Variants in CLXN observed in about 807,000 individuals in gnomAD.
CLXN encodes EF-hand calcium binding domain 1.
chr8:48,712,753 C>A, the CLXN span, among the ~76,000 whole-genome samples: 1 of 152,096 alleles, frequency 6.6e-6, no homozygotes, highest in African/African-American at 2.4e-5. Context: ...GTAATCCCAG[C>A]ACATTGGGAG....
At chr8:48,717,141 G>T in the CLXN span, among the ~76,000 whole-genome samples, 1 of 152,048 alleles carries the variant, frequency 6.6e-6, no homozygotes, top group Non-Finnish European at 1.5e-5. Context: ...CTCCAGCTTG[G>T]GCAACAAGAG....
chr8:48,729,885 TAAC>T, the CLXN span: 1 of 1,597,436 alleles, frequency 6.3e-7, no homozygotes, highest in Admixed American at 1.7e-5. Flanking sequence ...TTTAAGAAAA[TAAC>T]AAATCATGAA....
the CLXN span, among the ~76,000 whole-genome samples, chr8:48,720,619 A>G: frequency 2.6e-5 from 4 of 152,176 alleles, no homozygotes; most frequent in African/African-American, 9.7e-5. Flanking sequence ...TGCACCACTG[A>G]ACATAGACCC....
chr8:48,731,989 A>G, the CLXN span, among the ~76,000 whole-genome samples: 17 of 152,318 alleles, frequency 1.1e-4, no homozygotes, highest in African/African-American at 4.1e-4. Flanking sequence ...TAGAGTCACC[A>G]GTTTTCCAAT....
the CLXN span, chr8:48,729,762 ATCAGGGTCT>A: frequency 2.7e-5 from 44 of 1,612,834 alleles, no homozygotes; most frequent in Non-Finnish European, 3.6e-5. Context: ...TAATTCCTTC[ATCAGGGTCT>A]TCCTCAGATG....
chr8:48,727,733 A>T, the CLXN span, among the ~76,000 whole-genome samples: 2 of 152,138 alleles, frequency 1.3e-5, no homozygotes, highest in Admixed American at 6.5e-5. Flanking sequence ...TGCATTTTAA[A>T]CATACTGGAC....
chr8:48,730,673 C>G, the CLXN span: 1 of 1,382,336 alleles, frequency 7.2e-7, no homozygotes, highest in Non-Finnish European at 1.0e-6. Flanking sequence ...AATGGAACAC[C>G]TGTCCTGCAT....
At chr8:48,730,039 C>A in the CLXN span, 1 of 490,572 alleles carries the variant, frequency 2.0e-6, no homozygotes, top group Non-Finnish European at 3.4e-6. Context: ...TACAATAATC[C>A]TTAGAAAATA....
the CLXN span, among the ~76,000 whole-genome samples, chr8:48,726,873 CT>C: frequency 9.0e-4 from 89 of 99,226 alleles, no homozygotes; most frequent in African/African-American, 7.1e-3. Flanking sequence ...ATCTATCAAT[CT>C]ATCTATCTAT....
chr8:48,725,806 A>AAAAT, the CLXN span, among the ~76,000 whole-genome samples: 16,520 of 149,504 alleles, frequency 0.11, 1,209 homozygotes, highest in African/African-American at 0.2. Flanking sequence ...CTCCGTCTCA[A>AAAAT]AAATAAATAA....
At chr8:48,721,053 C>G in the CLXN span, among the ~76,000 whole-genome samples, 4 of 152,194 alleles carry the variant, frequency 2.6e-5, no homozygotes, top group Middle Eastern at 3.4e-3. Flanking sequence ...CCTACAAACA[C>G]AACAATGACA....
chr8:48,725,090 T>A, the CLXN span, among the ~76,000 whole-genome samples: 4 of 152,278 alleles, frequency 2.6e-5, no homozygotes, highest in Middle Eastern at 3.4e-3. Context: ...CAGGGCTGCA[T>A]GGGCTGTGGT....
the CLXN span, chr8:48,730,048 T>C: frequency 2.1e-6 from 1 of 473,890 alleles, no homozygotes; most frequent in Non-Finnish European, 3.6e-6. Context: ...CCTTAGAAAA[T>C]ATTTCCTGAT....
the CLXN span, chr8:48,730,574 C>T: frequency 6.8e-6 from 11 of 1,611,342 alleles, no homozygotes; most frequent in South Asian, 9.9e-5. Context: ...CTCGAAGAAA[C>T]AGTGATAATC....
the CLXN span, chr8:48,715,654 G>T: frequency 1.3e-5 from 2 of 152,114 alleles, no homozygotes; most frequent in African/African-American, 4.8e-5. Flanking sequence ...CACTGATGCT[G>T]ACCCCAGCTG....
At chr8:48,729,032 A>C in the CLXN span, 2 of 1,595,606 alleles carry the variant, frequency 1.3e-6, no homozygotes, top group Non-Finnish European at 1.7e-6. Context: ...AGGGAAAGTC[A>C]TATCAATACC....
the CLXN span, among the ~76,000 whole-genome samples, chr8:48,722,278 A>G: frequency 2.6e-5 from 4 of 152,234 alleles, no homozygotes; most frequent in Non-Finnish European, 5.9e-5. Flanking sequence ...ATAAATGATA[A>G]CAAGGGCTGA....
At chr8:48,734,317 C>G in the CLXN span, among the ~76,000 whole-genome samples, 1,354 of 152,330 alleles carry the variant, frequency 8.9e-3, 12 homozygotes, top group Non-Finnish European at 0.012. Flanking sequence ...CTCATCTAAA[C>G]CATACCCACG....
chr8:48,716,227 G>T, the CLXN span: 1 of 153,496 alleles, frequency 6.5e-6, no homozygotes, highest in Non-Finnish European at 1.4e-5. Context: ...CGGGTGCTAA[G>T]CCCCTCACTG....
Sources: gnomAD v4.1 joint callset for allele counts (sites outside exome capture counted in the v4.1 genomes callset) on GRCh38, gnomAD v4.1.1 for gene constraint, MANE v1.5 for transcripts, NCBI Gene and HGNC (gene_info 2026-07-23, HGNC 2026-07-21) for gene names.